DMD: variants seen among roughly 807,000 people sequenced by gnomAD.
DMD encodes the protein dystrophin, also known as mutant dystrophin.
A neutral mutation model predicts 330.1 loss-of-function variants in DMD; 63 were observed. That is an observed-to-expected ratio of 0.19 (90% CI 0.16 to 0.24). The LOEUF is 0.24. DMD is among the 10% of genes least tolerant of loss of function. The pLI, the probability that DMD is intolerant of heterozygous loss-of-function variation, is 1.00. For missense variants in DMD, 3,344 were observed against 2,684.1 expected (o/e 1.25, Z -5.43); for synonymous variants, 1,223 against 959.8 (o/e 1.27, Z -5.07).
intron 1 of DMD, among the ~76,000 whole-genome samples, chrX:33,288,744 C>T (rs972249165): frequency 8.9e-6 from 1 of 111,869 alleles, no homozygotes; most frequent in Non-Finnish European, 1.9e-5. Flanking sequence ...TTCCCCTTCT[C>T]TCTCCCTCCA....
chrX:32,618,808 G>C (rs2057778490), intron 11 of DMD, among the ~76,000 whole-genome samples: 1 of 110,931 alleles, frequency 9.0e-6, no homozygotes, highest in African/African-American at 3.3e-5. Flanking sequence ...TTACGTACCT[G>C]CAAAAGTTAA....
chrX:32,406,779 A>C (rs2207798), intron 30 of DMD, among the ~76,000 whole-genome samples: 1 of 110,806 alleles, frequency 9.0e-6, no homozygotes, highest in East Asian at 2.8e-4. Flanking sequence ...AAACAGAGAT[A>C]TAGATCAATG....
At chrX:31,795,630 C>A (rs886201971) in intron 50 of DMD, among the ~76,000 whole-genome samples, 3 of 112,103 alleles carry the variant, frequency 2.7e-5, no homozygotes, top group Non-Finnish European at 5.6e-5. Flanking sequence ...ATTTTTGAAG[C>A]CACTTTGAAA....
At chrX:32,613,542 T>C (rs1238122082) in intron 12 of DMD, among the ~76,000 whole-genome samples, 1 of 110,725 alleles carries the variant, frequency 9.0e-6, no homozygotes, top group Non-Finnish European at 1.9e-5. Flanking sequence ...TGTCATATTC[T>C]ATAGAAAAGC....
At chrX:33,311,805 T>A (rs1032112093) in intron 1 of DMD, among the ~76,000 whole-genome samples, 1 of 110,121 alleles carries the variant, frequency 9.1e-6, no homozygotes. Flanking sequence ...AAGTGCCAAA[T>A]GGTGCAGGGA....
intron 7 of DMD, among the ~76,000 whole-genome samples, chrX:32,714,186 T>C (rs1009910142): frequency 1.8e-5 from 2 of 111,573 alleles, no homozygotes; most frequent in African/African-American, 6.5e-5. Flanking sequence ...TCAGGAACTT[T>C]AGATTTAAGG....
chrX:32,709,078 G>C (rs1277557558), intron 7 of DMD, among the ~76,000 whole-genome samples: 1 of 111,781 alleles, frequency 8.9e-6, no homozygotes, highest in Non-Finnish European at 1.9e-5. Context: ...AAATTACAAA[G>C]ATACATTTTC....
chrX:32,866,263 C>T (rs6628744), intron 2 of DMD, among the ~76,000 whole-genome samples: 5 of 111,953 alleles, frequency 4.5e-5, no homozygotes, highest in South Asian at 3.7e-4. Flanking sequence ...TAGAGACACA[C>T]GAGTAATCCT....
chrX:32,511,146 C>A (rs1164371616), intron 18 of DMD, among the ~76,000 whole-genome samples: 1 of 109,934 alleles, frequency 9.1e-6, no homozygotes, highest in African/African-American at 3.3e-5. Flanking sequence ...CCATATTAGT[C>A]CAAATTCCAG....
At chrX:32,526,609 T>C (rs181181800) in intron 17 of DMD, among the ~76,000 whole-genome samples, 296 of 111,692 alleles carry the variant, frequency 2.7e-3, no homozygotes, top group African/African-American at 8.8e-3. Context: ...GAATTTCCCA[T>C]AAAAATGATG....
chrX:32,063,213 CAT>C lies in DMD; in HGVS notation c.6439-94701_6439-94700del, dbSNP rs1491067403. The stretch of plus-strand genomic sequence containing the variant: ...ACACACACACACACACACACACACA[CAT>C]GATTATATATCCATATCCTTCAACA... On this transcript the variant is annotated intron_variant, in intron 44 of 78. Coordinates refer to ENST00000357033, the MANE Select transcript of DMD (RefSeq NM_004006.3). 5.4e-5 allele frequency among the ~76,000 whole-genome samples: 6 copies of C among 110,123 alleles called. No homozygotes were observed. The South Asian group carries it at 1.1e-3, about 21-fold the overall frequency.
chrX:32,464,539 A>C (rs1343439819), intron 24 of DMD, 47 bp downstream of exon 24: 2 of 972,314 alleles, frequency 2.1e-6, no homozygotes, highest in Non-Finnish European at 2.9e-6. Flanking sequence ...ACCAAATAAT[A>C]TTCATACAAA....
At chrX:31,168,480 C>G (rs901559200) in intron 74 of DMD, among the ~76,000 whole-genome samples, 1 of 111,312 alleles carries the variant, frequency 9.0e-6, no homozygotes, top group Admixed American at 9.6e-5. Flanking sequence ...CTAGAAGGCT[C>G]GCAGTGGCAG....
intron 2 of DMD, among the ~76,000 whole-genome samples, chrX:32,948,997 A>AAAAAT (rs1278518438): frequency 1.8e-5 from 2 of 111,296 alleles, no homozygotes; most frequent in Admixed American, 1.9e-4. Flanking sequence ...AACATTTAAC[A>AAAAAT]TCAAAAACAT....
intron 1 of DMD, among the ~76,000 whole-genome samples, chrX:33,100,549 G>A (rs2095227814): frequency 9.1e-6 from 1 of 110,489 alleles, no homozygotes; most frequent in African/African-American, 3.3e-5. Context: ...AAATTAGTCA[G>A]GGATGGTGGC....
At chrX:32,101,473 C>G (rs2096539441) in intron 44 of DMD, among the ~76,000 whole-genome samples, 1 of 111,863 alleles carries the variant, frequency 8.9e-6, no homozygotes, top group Non-Finnish European at 1.9e-5. Context: ...TTCTCATCCT[C>G]ACCATTGCTA....
rs148229480 is a variant in DMD, at chrX:31,922,813, G to A, written c.6912+6783C>T. Among the ~76,000 whole-genome samples, 346 of 111,800 alleles carry A rather than the reference G, an allele frequency of 3.1e-3. 2 individuals are homozygous for A. The highest frequency in any genetic ancestry group is 0.01 in the African/African-American group (322 of 30,793). On this transcript the variant is annotated intron_variant, in intron 47 of 78. Transcript: ENST00000357033. ...AATAATTTGGAAAGTTAAATGTCAC[G>A]TATTCTTATATACTATTGTCATTAA... is the stretch of plus-strand genomic sequence containing the variant.
Position 31,627,824 on chromosome X carries a change from C to T in DMD, c.8066G>A (p.Arg2689Lys), listed in dbSNP as rs756450108. The change falls in exon 55 of 79, where the codon AGA (arginine) becomes AAA (lysine). Residue 2689 changes from arginine to lysine, a missense_variant. Coordinates refer to ENST00000357033, the MANE Select transcript of DMD (RefSeq NM_004006.3). The stretch of plus-strand genomic sequence containing the variant: ...GTCCAGGGGGAACTGTTGCAGTAAT[C>T]TATGAGTTTCTTCCAAAGCAGCCTC... ...EREAALEETH[R>K]LLQQFPLDLE... is the part of the protein sequence containing the mutation. 8.3e-7 allele frequency: 1 copy of T among 1,210,199 alleles called. No individual in the cohort carries two copies. Among genetic ancestry groups the T allele is most frequent in the South Asian group, 1.8e-5 (1 of 56,684 alleles).
In DMD at chrX:32,822,362, A is replaced by G. The variant is rs138515484; in HGVS notation, c.357+933T>C. Among the ~76,000 whole-genome samples the G allele has an allele frequency of 6.5e-3, 712 of 108,974 alleles. 11 individuals are homozygous for G. The highest frequency in any genetic ancestry group is 0.024 in the African/African-American group (686 of 28,765). 94.6% of individuals were successfully genotyped at this position (108,974 alleles called of 115,157 possible). ...ACCGTGGAAGTTTAAATTCAAGTTCATGTTGGTATATATATATACACATAC... is the reference window on the plus strand; with the variant it reads ...ACCGTGGAAGTTTAAATTCAAGTTCGTGTTGGTATATATATATACACATAC... On this transcript the variant is annotated intron_variant, in intron 5 of 78. Transcript: ENST00000357033.
Sources: gnomAD v4.1 joint callset for allele counts (sites outside exome capture counted in the v4.1 genomes callset) on GRCh38, gnomAD v4.1.1 for gene constraint, MANE v1.5 for transcripts, NCBI Gene and HGNC (gene_info 2026-07-23, HGNC 2026-07-21) for gene names.